Variants in ZNF516 observed in about 807,000 individuals in gnomAD.
The protein encoded by ZNF516 is zinc finger protein 516.
Under a neutral mutation model 79.7 loss-of-function variants are expected in ZNF516, and 19 were observed. The ratio of observed to expected loss-of-function variants is 0.24; its 90% CI spans 0.17 to 0.35. The LOEUF is 0.35. Among genes scored for constraint, ZNF516 ranks in the 10% least tolerant of loss-of-function variants. ZNF516 has a pLI of 1.00. For missense variants in ZNF516, 1,678 were observed against 1,679.5 expected, an observed-to-expected ratio of 1.00 and a Z score of 0.02; for synonymous variants, 877 against 739.5, an observed-to-expected ratio of 1.19 and a Z score of -3.02.
chr18:76,408,018 A>G (rs978373582), intron 3 of ZNF516, among the ~76,000 whole-genome samples: 1 of 152,186 alleles, frequency 6.6e-6, no homozygotes, highest in African/African-American at 2.4e-5. Flanking sequence ...TGTCCTCTGT[A>G]GTTTTGGCAC....
intron 3 of ZNF516, among the ~76,000 whole-genome samples, chr18:76,407,562 C>CA (rs1478183132): frequency 1.3e-4 from 20 of 152,334 alleles, no homozygotes; most frequent in Non-Finnish European, 1.5e-5. Flanking sequence ...CTGGCACAGA[C>CA]AACACCGCCC....
In ZNF516 at chr18:76,442,618, G is replaced by T; in HGVS notation, c.437C>A (p.Ala146Asp). Reference sequence around the variant, plus strand: ...CCGCAGCAGGACTCTGCCGCTGTCGGCCTGCGAGGCCCCGTTCAGGACCCT... The same window carrying T: ...CCGCAGCAGGACTCTGCCGCTGTCGTCCTGCGAGGCCCCGTTCAGGACCCT... ...GARVLNGASQ[A>D]DSGRVLLRSS... Residue 146 changes from alanine (A) to aspartate (D), a missense_variant, in exon 3 of 7, where the codon GCC (alanine) becomes GAC (aspartate). Coordinates refer to ENST00000443185, the MANE Select transcript of ZNF516 (RefSeq NM_014643.4). The T allele has an allele frequency of 6.3e-7, 1 of 1,596,220 alleles. No homozygotes were observed. Among genetic ancestry groups the T allele is most frequent in the Non-Finnish European group, 8.5e-7 (1 of 1,178,216 alleles).
In ZNF516 at chr18:76,357,735, G is replaced by A. The variant is rs1432958626; in HGVS notation, c.*4763C>T. Among the ~76,000 whole-genome samples, 1 of 152,086 alleles carries A rather than the reference G, an allele frequency of 6.6e-6. No individual in the cohort carries two copies. The highest frequency in any genetic ancestry group is 1.5e-5 in the Non-Finnish European group (1 of 68,012). On this transcript the variant is annotated 3_prime_UTR_variant, in exon 7 of 7. Transcript: ENST00000443185. ...CTGATGGTCCTGTCTCATTTTTGCTGTCTCATCAGTAAACCATTGCAAACC... is the reference window on the plus strand; with the variant it reads ...CTGATGGTCCTGTCTCATTTTTGCTATCTCATCAGTAAACCATTGCAAACC...
At chr18:76,476,789 G>A (rs946281958) in intron 1 of ZNF516, among the ~76,000 whole-genome samples, 1 of 152,160 alleles carries the variant, frequency 6.6e-6, no homozygotes, top group African/African-American at 2.4e-5. Flanking sequence ...TGAACCGTAG[G>A]CAACTGAACA....
chr18:76,490,815 C>A, intron 1 of ZNF516: 1 of 985,486 alleles, frequency 1.0e-6, no homozygotes, highest in South Asian at 4.7e-5. Flanking sequence ...ACCGGAGGGT[C>A]CGAGGGCTCC....
chr18:76,410,107 A>C (rs1568268941), intron 3 of ZNF516, among the ~76,000 whole-genome samples: 1 of 152,166 alleles, frequency 6.6e-6, no homozygotes, highest in Non-Finnish European at 1.5e-5. Context: ...GAGTCCACTA[A>C]GCCTCTTTCC....
At chr18:76,443,567 G>A (rs1178975348) in intron 2 of ZNF516, among the ~76,000 whole-genome samples, 1 of 152,206 alleles carries the variant, frequency 6.6e-6, no homozygotes, top group Non-Finnish European at 1.5e-5. Flanking sequence ...GGGAATTAGG[G>A]ACAGAGGAAA....
At chr18:76,494,933 T>G (rs1044999164) in intron 1 of ZNF516, among the ~76,000 whole-genome samples, 139 of 147,872 alleles carry the variant, frequency 9.4e-4, no homozygotes, top group Non-Finnish European at 1.7e-3. Flanking sequence ...ATCCTGGAAT[T>G]GACGAGCAGA....
At chr18:76,494,714 G>C (rs1568338373) in intron 1 of ZNF516, among the ~76,000 whole-genome samples, 1 of 151,882 alleles carries the variant, frequency 6.6e-6, no homozygotes, top group Non-Finnish European at 1.5e-5. Context: ...TAGCCGGAGC[G>C]TTTTACTTTA....
In ZNF516 at chr18:76,360,640, A is replaced by ATATATAT. The variant is rs1239135425; in HGVS notation, c.*1857_*1858insATATATA. Reference sequence around the variant, plus strand: ...TATCAGAAAAAAATAAGTAAAAAAAAAAAAAAATATATATATATATATATA... The same window carrying ATATATAT: ...TATCAGAAAAAAATAAGTAAAAAAAATATATATAAAAAAATATATATATATATATATA... On this transcript the variant is annotated 3_prime_UTR_variant, in exon 7 of 7. Transcript: ENST00000443185. 5 of 107,498 alleles carry ATATATAT rather than the reference A, an allele frequency of 4.7e-5. No homozygotes were observed. The highest frequency in any genetic ancestry group is 9.9e-5 in the Non-Finnish European group (5 of 50,402). The allele number at this position is 107,498 out of a possible 1,614,324, so 6.7% of individuals were successfully genotyped here. A position where few individuals can be genotyped will look rare whatever the true frequency, so the allele number is the denominator to read the frequency against.
chr18:76,449,015 A>C (rs1487861091), intron 2 of ZNF516, among the ~76,000 whole-genome samples: 1 of 151,894 alleles, frequency 6.6e-6, no homozygotes, highest in Non-Finnish European at 1.5e-5. Flanking sequence ...ACTTTTCATG[A>C]CCCAAGCACA....
At chr18:76,483,386 C>G (rs1407223048) in intron 1 of ZNF516, among the ~76,000 whole-genome samples, 5 of 152,290 alleles carry the variant, frequency 3.3e-5, no homozygotes. Context: ...AAGCTGAGCT[C>G]AGAGGAAAGC....
chr18:76,397,439 T>A (rs372122862), intron 3 of ZNF516, among the ~76,000 whole-genome samples: 1 of 152,244 alleles, frequency 6.6e-6, no homozygotes, highest in East Asian at 1.9e-4. Context: ...AATGGTATTA[T>A]AAAATTTTGA....
rs562639548 is a variant in ZNF516 at position 76,422,981 on chromosome 18, G to A, written c.1810+18264C>T. Among the ~76,000 whole-genome samples the A allele has an allele frequency of 7.9e-5, 12 of 152,176 alleles. No homozygotes were observed. In the South Asian group the frequency reaches 1.2e-3, roughly 16 times the overall value. On this transcript the variant is annotated intron_variant, in intron 3 of 6. Transcript: ENST00000443185. ...TACTCTCAATATCACACTGAGCTCCGCAACTCTAAATCTTAATGCGTCTGG... is the reference window on the plus strand; with the variant it reads ...TACTCTCAATATCACACTGAGCTCCACAACTCTAAATCTTAATGCGTCTGG...
At position 76,362,439 on chromosome 18, in the gene ZNF516, A is replaced by G; in HGVS notation, c.*59T>C. The G allele has an allele frequency of 1.3e-6, 2 of 1,558,036 alleles. No individual in the cohort carries two copies. Among genetic ancestry groups the G allele is most frequent in the Non-Finnish European group, 1.8e-6 (2 of 1,135,806 alleles). On this transcript the variant is annotated 3_prime_UTR_variant, in exon 7 of 7. Transcript: ENST00000443185. ...GTCACAGGTGGGAGGCTGCTGGGACATCGTGAGGGTACTGCTAATGGCCGT... is the reference window on the plus strand; with the variant it reads ...GTCACAGGTGGGAGGCTGCTGGGACGTCGTGAGGGTACTGCTAATGGCCGT...
In ZNF516 at chr18:76,467,897, C is replaced by T. The variant is rs1794942210; in HGVS notation, c.-271-4756G>A. Among the ~76,000 whole-genome samples, 1 of 152,210 alleles carries T rather than the reference C, an allele frequency of 6.6e-6. No homozygotes were observed. The highest frequency in any genetic ancestry group is 2.4e-5 in the African/African-American group (1 of 41,452). On this transcript the variant is annotated intron_variant, in intron 1 of 6. Coordinates refer to ENST00000443185, the MANE Select transcript of ZNF516 (RefSeq NM_014643.4). This position sits in a 1 kb window ranked among gnomAD's most constrained non-coding sequence, Gnocchi z 4.2. ...AATAAACGAAGGACAGAAATGAGTG[C>T]TTCAACTATCTGCTGACTGCTAACT... is the stretch of plus-strand genomic sequence containing the variant.
At position 76,459,255 on chromosome 18, in the gene ZNF516, A is replaced by C. The variant is rs1912946050; in HGVS notation, c.-158+3773T>G. ...TGCCCCGAGCTTCGGCTTCTCCTCCATGCACGGTCACTGCTGGAGGCACAC... is the reference window on the plus strand; with the variant it reads ...TGCCCCGAGCTTCGGCTTCTCCTCCCTGCACGGTCACTGCTGGAGGCACAC... On this transcript the variant is annotated intron_variant, in intron 2 of 6. Transcript: ENST00000443185. The surrounding 1 kb of genome is among the most constrained non-coding windows in gnomAD (Gnocchi z 5.0). Among the ~76,000 whole-genome samples the C allele has an allele frequency of 6.6e-6, 1 of 152,112 alleles. No individual in the cohort carries two copies. Among genetic ancestry groups the C allele is most frequent in the African/African-American group, 2.4e-5 (1 of 41,428 alleles).
At chr18:76,479,203 TA>T (rs1297211959) in intron 1 of ZNF516, among the ~76,000 whole-genome samples, 3 of 152,166 alleles carry the variant, frequency 2.0e-5, no homozygotes, top group African/African-American at 4.8e-5. Flanking sequence ...GATGTTTGAA[TA>T]AAAGGGGCCT....
intron 3 of ZNF516, among the ~76,000 whole-genome samples, chr18:76,437,579 ATGG>A (rs2075760156): frequency 6.6e-6 from 1 of 152,138 alleles, no homozygotes; most frequent in Non-Finnish European, 1.5e-5. Flanking sequence ...GTTGAACACA[ATGG>A]TCCTTTGTGG....
Sources: gnomAD v4.1 joint callset for allele counts (sites outside exome capture counted in the v4.1 genomes callset) on GRCh38, gnomAD v4.1.1 for gene constraint, Gnocchi (gnomAD v3.1) non-coding constraint, MANE v1.5 for transcripts, NCBI Gene and HGNC (gene_info 2026-07-23, HGNC 2026-07-21) for gene names.